PCNX2: variants seen among roughly 807,000 people sequenced by gnomAD.
PCNX2 encodes pecanex-like protein 2.
Under a neutral mutation model 223.8 loss-of-function variants are expected in PCNX2, and 168 were observed. The ratio of observed to expected loss-of-function variants is 0.75; its 90% CI spans 0.66 to 0.85. The LOEUF (loss-of-function observed/expected upper bound fraction) is 0.85, where lower values mean the gene tolerates loss of function less well. PCNX2 is among the 40% of genes least tolerant of loss of function. PCNX2 has a pLI of 0.00. For missense variants in PCNX2, 2,507 were observed against 2,675.5 expected, an observed-to-expected ratio of 0.94 and a Z score of 1.39; for synonymous variants, 1,006 against 1,052.6, an observed-to-expected ratio of 0.96 and a Z score of 0.86.
intron 21 of PCNX2, among the ~76,000 whole-genome samples, chr1:233,131,382 T>C (rs1030942046): frequency 1.3e-5 from 2 of 152,058 alleles, no homozygotes; most frequent in Non-Finnish European, 2.9e-5. Context: ...AGACTTTTTT[T>C]TTTGAAAAAA....
intron 8 of PCNX2, among the ~76,000 whole-genome samples, chr1:233,242,012 G>T (rs1310416604): frequency 6.6e-6 from 1 of 152,126 alleles, no homozygotes; most frequent in Non-Finnish European, 1.5e-5. Flanking sequence ...TTTCCTGAAA[G>T]TTAATCCCAA....
At chr1:233,056,175 C>T (rs1358775780) in intron 24 of PCNX2, among the ~76,000 whole-genome samples, 1 of 152,148 alleles carries the variant, frequency 6.6e-6, no homozygotes, top group South Asian at 2.1e-4. Context: ...TCTAATGAAG[C>T]AGCACGCATC....
chr1:233,306,368 T>C, the PCNX2 span, among the ~76,000 whole-genome samples: 1 of 152,160 alleles, frequency 6.6e-6, no homozygotes, highest in Admixed American at 6.5e-5. Context: ...GGCAGAAGAT[T>C]AACAAGGAAA....
chr1:233,019,022 CCTCT>C (rs900286068), intron 26 of PCNX2: 22 of 985,322 alleles, frequency 2.2e-5, no homozygotes, highest in Non-Finnish European at 2.7e-5. Flanking sequence ...CTCTTCCCTC[CCTCT>C]GTCTGGGAAA....
At chr1:233,110,943 G>A (rs1425822186) in intron 21 of PCNX2, among the ~76,000 whole-genome samples, 1 of 151,822 alleles carries the variant, frequency 6.6e-6, no homozygotes, top group Non-Finnish European at 1.5e-5. Flanking sequence ...CCTAATATAA[G>A]AGAATGACTT....
chr1:233,076,956 A>G, intron 23 of PCNX2, among the ~76,000 whole-genome samples: 1 of 152,178 alleles, frequency 6.6e-6, no homozygotes, highest in Non-Finnish European at 1.5e-5. Context: ...GATTTATTAA[A>G]TTATTTGAGG....
chr1:233,024,524 G>A (rs1558171086), intron 26 of PCNX2, among the ~76,000 whole-genome samples: 1 of 152,128 alleles, frequency 6.6e-6, no homozygotes, highest in South Asian at 2.1e-4. Flanking sequence ...ACCTCAGCCC[G>A]GATGAACACT....
At chr1:233,116,803 A>G (rs971403489) in intron 21 of PCNX2, among the ~76,000 whole-genome samples, 12 of 152,160 alleles carry the variant, frequency 7.9e-5, no homozygotes, top group Admixed American at 3.3e-4. Flanking sequence ...AGATAAAAGC[A>G]GAAATCTATG....
intron 25 of PCNX2, among the ~76,000 whole-genome samples, chr1:233,034,254 G>A (rs1671369647): frequency 6.6e-6 from 1 of 152,068 alleles, no homozygotes. Context: ...GCCTTTGGGA[G>A]GTGATTGGGT....
At chr1:233,021,360 G>A (rs189244879) in intron 26 of PCNX2, among the ~76,000 whole-genome samples, 24 of 152,306 alleles carry the variant, frequency 1.6e-4, no homozygotes, top group African/African-American at 4.1e-4. Context: ...TAGCTCCAAA[G>A]CCTACTTGTA....
At chr1:233,020,282 A>T (rs1236720094) in intron 26 of PCNX2, among the ~76,000 whole-genome samples, 1 of 152,188 alleles carries the variant, frequency 6.6e-6, no homozygotes, top group African/African-American at 2.4e-5. Context: ...GAACCACCCC[A>T]AATGCTTGCA....
At chr1:233,119,592 A>AAAAC (rs1553293571) in intron 21 of PCNX2, among the ~76,000 whole-genome samples, 271 of 144,076 alleles carry the variant, frequency 1.9e-3, no homozygotes, top group African/African-American at 4.3e-3. Flanking sequence ...CTCAAAAAAA[A>AAAAC]AAAAACAAAA....
At chr1:233,257,985 C>A (rs762933024) in intron 5 of PCNX2, 43 bp downstream of exon 5, 1 of 1,577,224 alleles carries the variant, frequency 6.3e-7, no homozygotes, top group South Asian at 1.2e-5. Context: ...AGGTGTATTG[C>A]CTTCTATGTC....
chr1:233,049,076 C>G (rs1199295810), intron 25 of PCNX2, among the ~76,000 whole-genome samples: 1 of 152,052 alleles, frequency 6.6e-6, no homozygotes, highest in Non-Finnish European at 1.5e-5. Flanking sequence ...GAGCTAGTAC[C>G]AATTCTACTG....
chr1:233,181,252 T>G (rs2102862494), intron 15 of PCNX2: 1 of 148,464 alleles, frequency 6.7e-6, no homozygotes, highest in Admixed American at 6.9e-5. Flanking sequence ...CAGGCTAGAG[T>G]GCAGTCATAC....
chr1:233,233,050 C>A (rs1355723138), intron 9 of PCNX2: 2 of 984,556 alleles, frequency 2.0e-6, no homozygotes, highest in Non-Finnish European at 2.4e-6. Flanking sequence ...TCCTATGCTG[C>A]CCTTGGGTAG....
intron 16 of PCNX2, among the ~76,000 whole-genome samples, 179 bp from the exon 17 acceptor site, chr1:233,178,077 G>A (rs1679587630): frequency 2.0e-5 from 3 of 152,218 alleles, no homozygotes; most frequent in Admixed American, 2.0e-4. Flanking sequence ...GTTTTGATTT[G>A]TAAATTTCAT....
chr1:233,080,222 G>C (rs1489418895), intron 23 of PCNX2, among the ~76,000 whole-genome samples: 4 of 151,874 alleles, frequency 2.6e-5, no homozygotes, highest in Non-Finnish European at 4.4e-5. Context: ...TGATTTTTTG[G>C]GGGGGCTGGT....
At chr1:233,304,075 TTTA>T in the PCNX2 span, among the ~76,000 whole-genome samples, 6 of 152,226 alleles carry the variant, frequency 3.9e-5, no homozygotes, top group Non-Finnish European at 8.8e-5. Context: ...TGATCTATTT[TTTA>T]TTATTCAATT....
Sources: allele counts gnomAD v4.1 joint callset (sites outside exome capture counted in the v4.1 genomes callset), GRCh38; gene constraint gnomAD v4.1.1; transcripts MANE v1.5; gene names NCBI Gene and HGNC (gene_info 2026-07-23, HGNC 2026-07-21).